The following IGFBP7 variants were observed in gnomAD, a reference collection of about 807,000 sequenced individuals.
IGFBP7 encodes insulin like growth factor binding protein 7.
Under a neutral mutation model 29.4 loss-of-function variants are expected in IGFBP7, and 31 were observed. That is an observed-to-expected ratio of 1.05 (90% CI 0.79 to 1.42). The LOEUF is 1.42. IGFBP7 is among the 40% of genes most tolerant of loss of function. The pLI, the probability that IGFBP7 is intolerant of heterozygous loss-of-function variation, is 0.00. For synonymous variants in IGFBP7, 172 were observed against 174.9 expected, an observed-to-expected ratio of 0.98 and a Z score of 0.13; for missense variants, 393 against 395.5, an observed-to-expected ratio of 0.99 and a Z score of 0.05.
chr4:57,032,309 G>T, intron 4 of IGFBP7, 117 bp downstream of exon 4: 1 of 1,488,068 alleles, frequency 6.7e-7, no homozygotes, highest in African/African-American at 1.4e-5. Context: ...TGCCCTTATG[G>T]GTTGCTAACT....
At chr4:57,090,853 A>C (rs543807734) in intron 1 of IGFBP7, among the ~76,000 whole-genome samples, 21 of 152,332 alleles carry the variant, frequency 1.4e-4, no homozygotes, top group South Asian at 6.2e-4. Flanking sequence ...TCCATCTCAA[A>C]AAAACAAAAC....
chr4:57,095,995 T>C (rs1725753344), intron 1 of IGFBP7, among the ~76,000 whole-genome samples: 1 of 152,034 alleles, frequency 6.6e-6, no homozygotes, highest in African/African-American at 2.4e-5. Flanking sequence ...GGTTTAGACA[T>C]TGGAGATTCA....
intron 1 of IGFBP7, among the ~76,000 whole-genome samples, chr4:57,058,108 T>A (rs1344205261): frequency 6.7e-6 from 1 of 150,246 alleles, no homozygotes; most frequent in Non-Finnish European, 1.5e-5. Context: ...TTTTTTTTAA[T>A]CAGCAAGGAG....
chr4:57,079,290 T>C (rs943084603), intron 1 of IGFBP7, among the ~76,000 whole-genome samples: 1 of 152,126 alleles, frequency 6.6e-6, no homozygotes, highest in Non-Finnish European at 1.5e-5. Context: ...TTTGCATTGC[T>C]AAAATTCACA....
At chr4:57,049,914 A>G (rs917056124) in intron 1 of IGFBP7, among the ~76,000 whole-genome samples, 1 of 152,212 alleles carries the variant, frequency 6.6e-6, no homozygotes, top group African/African-American at 2.4e-5. Context: ...ACCAGTGTAC[A>G]CATGGCCAAA....
chr4:57,037,471 G>A (rs548742556), intron 2 of IGFBP7, among the ~76,000 whole-genome samples: 55 of 151,528 alleles, frequency 3.6e-4, no homozygotes, highest in African/African-American at 1.0e-3. Context: ...CACCTTTTGA[G>A]CTCAAGCGAT....
chr4:57,106,385 G>A (rs1008660875), intron 1 of IGFBP7, among the ~76,000 whole-genome samples: 4 of 152,166 alleles, frequency 2.6e-5, no homozygotes, highest in African/African-American at 9.7e-5. Context: ...AAGTGAAGGA[G>A]GGTGCAATTG....
At chr4:57,098,275 G>A (rs1725810149) in intron 1 of IGFBP7, among the ~76,000 whole-genome samples, 2 of 152,208 alleles carry the variant, frequency 1.3e-5, no homozygotes, top group Admixed American at 6.5e-5. Context: ...AACTAAGAAA[G>A]GGTTGGTGGG....
chr4:57,099,206 C>T (rs773957211), intron 1 of IGFBP7, among the ~76,000 whole-genome samples: 20 of 152,122 alleles, frequency 1.3e-4, no homozygotes, highest in Non-Finnish European at 2.8e-4. Flanking sequence ...TCAAGAAAAA[C>T]AACATGAAAG....
chr4:57,065,167 C>T (rs35912586), intron 1 of IGFBP7, among the ~76,000 whole-genome samples: 11,765 of 152,308 alleles, frequency 0.077, 567 homozygotes, highest in African/African-American at 0.13. Flanking sequence ...GGCCTCGGCC[C>T]ACGCCAGGAG....
chr4:57,036,487 C>T (rs1353879304), intron 2 of IGFBP7, among the ~76,000 whole-genome samples: 1 of 152,220 alleles, frequency 6.6e-6, no homozygotes, highest in Non-Finnish European at 1.5e-5. Flanking sequence ...GTCTCAGAAA[C>T]AAATATTGGG....
At chr4:57,096,607 A>G (rs1264529757) in intron 1 of IGFBP7, among the ~76,000 whole-genome samples, 1 of 152,144 alleles carries the variant, frequency 6.6e-6, no homozygotes, top group East Asian at 1.9e-4. Flanking sequence ...GATAGAGTGC[A>G]TAGTATATGG....
chr4:57,054,766 C>T (rs2109759001), intron 1 of IGFBP7, among the ~76,000 whole-genome samples: 1 of 151,904 alleles, frequency 6.6e-6, no homozygotes, highest in Non-Finnish European at 1.5e-5. Flanking sequence ...CTCCTGAAAA[C>T]ATTTTGCGAC....
At chr4:57,071,206 G>T (rs1041659055) in intron 1 of IGFBP7, among the ~76,000 whole-genome samples, 4 of 93,724 alleles carry the variant, frequency 4.3e-5, no homozygotes, top group East Asian at 5.1e-4. Context: ...TGATATATTG[G>T]GGGGGAATGA....
chr4:57,048,921 T>C (rs1251474016), intron 1 of IGFBP7, among the ~76,000 whole-genome samples: 2 of 152,202 alleles, frequency 1.3e-5, no homozygotes, highest in Admixed American at 6.5e-5. Flanking sequence ...CTAGGAAGTG[T>C]CTAAGAATAT....
At chr4:57,053,066 G>C (rs1340334349) in intron 1 of IGFBP7, among the ~76,000 whole-genome samples, 1 of 150,866 alleles carries the variant, frequency 6.6e-6, no homozygotes, top group Non-Finnish European at 1.5e-5. Flanking sequence ...GCCCAGGCTG[G>C]AGTGCAGTGG....
intron 1 of IGFBP7, among the ~76,000 whole-genome samples, chr4:57,083,720 TATCTC>T (rs1725429427): frequency 6.6e-6 from 1 of 152,228 alleles, no homozygotes; most frequent in Admixed American, 6.5e-5. Context: ...TAAAAACAAT[TATCTC>T]ATGAATGGGT....
At chr4:57,051,600 G>A (rs564245052) in intron 1 of IGFBP7, among the ~76,000 whole-genome samples, 1 of 152,180 alleles carries the variant, frequency 6.6e-6, no homozygotes, top group Non-Finnish European at 1.5e-5. Context: ...GTGGTGTTGG[G>A]GAGGCTTAGC....
intron 1 of IGFBP7, among the ~76,000 whole-genome samples, chr4:57,044,598 T>G (rs1170190458): frequency 6.6e-6 from 1 of 152,232 alleles, no homozygotes; most frequent in African/African-American, 2.4e-5. Context: ...TTCAGCACCA[T>G]TTGTTGAAAA....
Sources: gnomAD v4.1 joint callset for allele counts (sites outside exome capture counted in the v4.1 genomes callset) on GRCh38, gnomAD v4.1.1 for gene constraint, MANE v1.5 for transcripts, NCBI Gene and HGNC (gene_info 2026-07-23, HGNC 2026-07-21) for gene names.